CHST11: variants seen among roughly 807,000 people sequenced by gnomAD.
The protein encoded by CHST11 is C4S-1.
CHST11 carries 9 observed loss-of-function variants against 30.4 expected under a neutral mutation model. The observed-to-expected ratio is 0.30, with a 90% CI of 0.18 to 0.52. CHST11 has a LOEUF of 0.52. Among genes scored for constraint, CHST11 ranks in the 20% least tolerant of loss-of-function variants. CHST11 has a pLI of 0.97. For missense variants in CHST11, 348 were observed against 460.6 expected, an observed-to-expected ratio of 0.76 and a Z score of 2.24; for synonymous variants, 152 against 187.8, an observed-to-expected ratio of 0.81 and a Z score of 1.56.
chr12:104,525,102 C>G (rs892054892), intron 1 of CHST11, among the ~76,000 whole-genome samples: 4 of 121,374 alleles, frequency 3.3e-5, no homozygotes, highest in Non-Finnish European at 5.1e-5. Flanking sequence ...TTCCTTTTTT[C>G]TTTCTTTTTT....
At chr12:104,646,129 A>G (rs983996612) in intron 2 of CHST11, among the ~76,000 whole-genome samples, 19 of 152,150 alleles carry the variant, frequency 1.2e-4, no homozygotes, top group African/African-American at 4.1e-4. Context: ...ACAGGGGAGA[A>G]GTTGCATTTC....
At chr12:104,627,911 C>T (rs544933457) in intron 2 of CHST11, among the ~76,000 whole-genome samples, 29 of 152,244 alleles carry the variant, frequency 1.9e-4, no homozygotes, top group African/African-American at 5.8e-4. Context: ...CTTGAACACT[C>T]GCTCTGTGCT....
Position 104,724,697 on chromosome 12 carries a change from G to C in CHST11, c.205-32252G>C, listed in dbSNP as rs540942175. On this transcript the variant is annotated intron_variant, in intron 2 of 2. Transcript: ENST00000303694. ...GAACAGTTGCTGGAGGACTCCCTTA[G>C]TCTTTCCCTCCACCGGTGGAGCTGC... Among the ~76,000 whole-genome samples the C allele has an allele frequency of 8.9e-4, 136 of 152,110 alleles. 1 individual carries two copies. Among genetic ancestry groups the C allele is most frequent in the African/African-American group, 3.1e-3 (130 of 41,460 alleles).
chr12:104,564,221 T>C (rs927968677), intron 1 of CHST11, among the ~76,000 whole-genome samples: 1 of 152,204 alleles, frequency 6.6e-6, no homozygotes, highest in Admixed American at 6.5e-5. Flanking sequence ...GATGTTTCCC[T>C]GTGGGGACCA....
At chr12:104,519,745 C>T (rs1158167321) in intron 1 of CHST11, among the ~76,000 whole-genome samples, 1 of 152,136 alleles carries the variant, frequency 6.6e-6, no homozygotes, top group Non-Finnish European at 1.5e-5. Context: ...ATTTGCTTGG[C>T]TCAGATTGAT....
intron 2 of CHST11, among the ~76,000 whole-genome samples, chr12:104,713,888 G>A (rs1006264589): frequency 2.0e-5 from 3 of 152,172 alleles, no homozygotes; most frequent in Admixed American, 6.5e-5. Flanking sequence ...AGATACGTTC[G>A]TTGCATTTTT....
chr12:104,681,002 G>A (rs2039790683), intron 2 of CHST11, among the ~76,000 whole-genome samples: 1 of 152,212 alleles, frequency 6.6e-6, no homozygotes, highest in South Asian at 2.1e-4. Context: ...CTACTTCAAA[G>A]GGTTGTTGTG....
chr12:104,751,205 G>A (rs755603310), intron 2 of CHST11, among the ~76,000 whole-genome samples: 2 of 152,210 alleles, frequency 1.3e-5, no homozygotes, highest in African/African-American at 2.4e-5. Flanking sequence ...ACCTCCCTGG[G>A]GATTCAGGTG....
At chr12:104,513,139 T>TGGGGGGGGGGGGGGGGGGGG (rs1565969846) in intron 1 of CHST11, among the ~76,000 whole-genome samples, 2 of 2,932 alleles carry the variant, frequency 6.8e-4, no homozygotes, top group Non-Finnish European at 6.7e-4. Context: ...GGGGGGGGGT[T>TGGGGGGGGGGGGGGGGGGGG]GGGGGTGGGG....
At chr12:104,753,236 G>A (rs1052015010) in intron 2 of CHST11, among the ~76,000 whole-genome samples, 6 of 152,218 alleles carry the variant, frequency 3.9e-5, no homozygotes, top group African/African-American at 1.4e-4. Flanking sequence ...AACAAGGAGT[G>A]CTCCACAAAT....
intron 1 of CHST11, among the ~76,000 whole-genome samples, chr12:104,536,517 C>T (rs572018437): frequency 6.6e-6 from 1 of 152,264 alleles, no homozygotes; most frequent in East Asian, 1.9e-4. Context: ...ATTGTTCTTC[C>T]ACGTCATCCA....
At chr12:104,697,513 T>C (rs1276028364) in intron 2 of CHST11, among the ~76,000 whole-genome samples, 1 of 152,218 alleles carries the variant, frequency 6.6e-6, no homozygotes. Context: ...CCAGCTTTCC[T>C]GGTTCTCCAG....
chr12:104,499,779 C>T (rs1393768534), intron 1 of CHST11, among the ~76,000 whole-genome samples: 1 of 152,194 alleles, frequency 6.6e-6, no homozygotes, highest in East Asian at 1.9e-4. Context: ...TCAGTGCTAC[C>T]TTCCCTCATT....
At chr12:104,705,613 G>A (rs1004678757) in intron 2 of CHST11, among the ~76,000 whole-genome samples, 5 of 152,130 alleles carry the variant, frequency 3.3e-5, no homozygotes, top group Non-Finnish European at 5.9e-5. Flanking sequence ...GGAAGGTAAG[G>A]GCTGCAGGTT....
intron 1 of CHST11, among the ~76,000 whole-genome samples, chr12:104,530,000 A>C (rs1212888708): frequency 1.3e-5 from 2 of 152,160 alleles, no homozygotes; most frequent in Non-Finnish European, 1.5e-5. Flanking sequence ...TCTACTAAAA[A>C]TACAAAAAAT....
At chr12:104,646,453 G>A (rs1196225967) in intron 2 of CHST11, among the ~76,000 whole-genome samples, 1 of 152,086 alleles carries the variant, frequency 6.6e-6, no homozygotes, top group Non-Finnish European at 1.5e-5. Flanking sequence ...ATTATTTCTG[G>A]CCGGGTGCAG....
intron 1 of CHST11, among the ~76,000 whole-genome samples, chr12:104,532,590 C>T (rs1381120455): frequency 6.6e-6 from 1 of 152,194 alleles, no homozygotes; most frequent in African/African-American, 2.4e-5. Context: ...AAGCTCTCTA[C>T]ACCCCTTCCC....
chr12:104,630,951 G>A (rs1200965184), intron 2 of CHST11, among the ~76,000 whole-genome samples: 3 of 152,286 alleles, frequency 2.0e-5, no homozygotes, highest in East Asian at 1.9e-4. Flanking sequence ...AAGAATAAGG[G>A]CCTCTCATTA....
intron 2 of CHST11, among the ~76,000 whole-genome samples, chr12:104,750,882 T>C (rs575689800): frequency 4.1e-4 from 63 of 152,328 alleles, no homozygotes; most frequent in Non-Finnish European, 5.4e-4. Context: ...CCAATTAAAA[T>C]GTATTTTTAA....
Sources: gnomAD v4.1 joint callset for allele counts (sites outside exome capture counted in the v4.1 genomes callset) on GRCh38, gnomAD v4.1.1 for gene constraint, MANE v1.5 for transcripts, NCBI Gene and HGNC (gene_info 2026-07-23, HGNC 2026-07-21) for gene names.